CCDC85C: variants seen among roughly 807,000 people sequenced by gnomAD.
The protein encoded by CCDC85C is coiled-coil domain containing 85C, also known as coiled-coil domain-containing protein 85C.
A neutral mutation model predicts 38.3 loss-of-function variants in CCDC85C; 18 were observed. The observed-to-expected ratio is 0.47, with a 90% CI of 0.33 to 0.70. The LOEUF is 0.70. Among genes scored for constraint, CCDC85C ranks in the 30% least tolerant of loss-of-function variants. The probability of loss-of-function intolerance (pLI) is 0.03; values close to 1 mark genes in which losing one functional copy is unlikely to be tolerated. For synonymous variants in CCDC85C, 264 were observed against 293.8 expected (o/e 0.90, Z 1.04); for missense variants, 566 against 621.2 (o/e 0.91, Z 0.94).
At position 99,596,821 on chromosome 14, in the gene CCDC85C, C is replaced by T. The variant is rs117493843; in HGVS notation, c.793+6346G>A. 8.2e-3 allele frequency among the ~76,000 whole-genome samples: 1,256 copies of T among 152,254 alleles called. 9 individuals carry two copies. The highest frequency in any genetic ancestry group is 0.014 in the Non-Finnish European group (941 of 68,016). ...GAGTGGTCCCTGCCTAGATCCCAGA[C>T]GCTGATCCCAACCACCCTAGATGTA... On this transcript the variant is annotated intron_variant, in intron 1 of 5. Coordinates refer to ENST00000380243, the MANE Select transcript of CCDC85C (RefSeq NM_001144995.2).
At chr14:99,525,404 T>C (rs144637872) in intron 2 of CCDC85C, among the ~76,000 whole-genome samples, 2,222 of 152,236 alleles carry the variant, frequency 0.015, 50 homozygotes, top group African/African-American at 0.051. Context: ...GGATAAGACA[T>C]GGAAACAGAG....
At chr14:99,523,697 G>C (rs957737619) in intron 2 of CCDC85C, among the ~76,000 whole-genome samples, 1 of 152,180 alleles carries the variant, frequency 6.6e-6, no homozygotes, top group Non-Finnish European at 1.5e-5. Flanking sequence ...ATAAAGGAGA[G>C]ACAGAGAAGT....
intron 1 of CCDC85C, among the ~76,000 whole-genome samples, chr14:99,571,750 G>T (rs1420134322): frequency 6.6e-6 from 1 of 152,188 alleles, no homozygotes; most frequent in South Asian, 2.1e-4. Flanking sequence ...GGCCTGTCCG[G>T]GCCTTTGCCA....
chr14:99,503,564 C>A lies in CCDC85C; in HGVS notation c.*11682G>T. On this transcript the variant is annotated 3_prime_UTR_variant, in exon 6 of 6. Transcript: ENST00000380243. ...CCTGGATAATCCATTTTTTTCTCATCATACTCAGGATCCCAGTTAACAATT... is the reference window on the plus strand; with the variant it reads ...CCTGGATAATCCATTTTTTTCTCATAATACTCAGGATCCCAGTTAACAATT... 1.3e-6 allele frequency: 2 copies of A among 1,511,140 alleles called. No homozygotes were observed. Among genetic ancestry groups the A allele is most frequent in the Non-Finnish European group, 1.8e-6 (2 of 1,114,248 alleles). The allele number at this position is 1,511,140 out of a possible 1,614,324, so 93.6% of individuals were successfully genotyped here. A position where few individuals can be genotyped will look rare whatever the true frequency, so the allele number is the denominator to read the frequency against.
intron 1 of CCDC85C, among the ~76,000 whole-genome samples, chr14:99,567,363 T>C (rs1898236346): frequency 6.6e-6 from 1 of 152,088 alleles, no homozygotes; most frequent in Admixed American, 6.5e-5. Flanking sequence ...ACAGAAGTTT[T>C]TCGGGTGGAT....
intron 1 of CCDC85C, among the ~76,000 whole-genome samples, chr14:99,580,744 A>C (rs8021410): frequency 0.085 from 12,989 of 152,118 alleles, 936 homozygotes; most frequent in African/African-American, 0.2. Flanking sequence ...GGGCACCTAT[A>C]GTCCCAGTTA....
chr14:99,563,085 A>T (rs2139951833), intron 1 of CCDC85C, among the ~76,000 whole-genome samples: 1 of 152,344 alleles, frequency 6.6e-6, no homozygotes, highest in South Asian at 2.1e-4. Flanking sequence ...CAGAGTAATA[A>T]ATCAGCTCAG....
intron 1 of CCDC85C, among the ~76,000 whole-genome samples, chr14:99,551,668 G>A (rs1396525567): frequency 6.7e-6 from 1 of 149,024 alleles, no homozygotes; most frequent in Non-Finnish European, 1.5e-5. Flanking sequence ...GGTGAGAGGT[G>A]GGTGTGCAGG....
chr14:99,506,031 AAGGT>A lies in CCDC85C; in HGVS notation c.*9211_*9214del, dbSNP rs144398803. On this transcript the variant is annotated 3_prime_UTR_variant, in exon 6 of 6. Coordinates refer to ENST00000380243, the MANE Select transcript of CCDC85C (RefSeq NM_001144995.2). Reference sequence around the variant, plus strand: ...TAGCAGTTATAGGATACAGAGGCAAAAGGTAGAGTGTGAGGTGCTGATTGGTGGG... The same window carrying A: ...TAGCAGTTATAGGATACAGAGGCAAAAGAGTGTGAGGTGCTGATTGGTGGG... The A allele has an allele frequency of 0.04, 6,107 of 152,486 alleles. 410 individuals carry two copies. Among genetic ancestry groups the A allele is most frequent in the African/African-American group, 0.14 (5,786 of 41,480 alleles). 9.4% of individuals were successfully genotyped at this position (152,486 alleles called of 1,614,324 possible).
chr14:99,521,913 C>T (rs896005191), intron 3 of CCDC85C, among the ~76,000 whole-genome samples: 5 of 152,356 alleles, frequency 3.3e-5, no homozygotes, highest in Middle Eastern at 3.4e-3. Context: ...GGCAGCCCTG[C>T]GCACGTGGCC....
chr14:99,592,152 A>G (rs913410303), intron 1 of CCDC85C, among the ~76,000 whole-genome samples: 1 of 152,244 alleles, frequency 6.6e-6, no homozygotes, highest in Non-Finnish European at 1.5e-5. Context: ...TCTCGCTGTC[A>G]GCACGGTACT....
intron 1 of CCDC85C, among the ~76,000 whole-genome samples, chr14:99,538,926 A>C (rs1415543329): frequency 6.6e-6 from 1 of 152,094 alleles, no homozygotes; most frequent in Non-Finnish European, 1.5e-5. Flanking sequence ...CCCACAGGCT[A>C]CCATCCCCCA....
chr14:99,502,323 A>G lies in CCDC85C; in HGVS notation c.*12923T>C, dbSNP rs1165780200. 6.2e-7 allele frequency: 1 copy of G among 1,613,682 alleles called. No individual in the cohort carries two copies. Among genetic ancestry groups the G allele is most frequent in the Non-Finnish European group, 8.5e-7 (1 of 1,179,788 alleles). On this transcript the variant is annotated 3_prime_UTR_variant, in exon 6 of 6. Transcript: ENST00000380243. Reference sequence around the variant, plus strand: ...CAAGAATGGACCTCCAAACCCATGTATAGGAGATGGTGGGAGCAGTTTGTT... The same window carrying G: ...CAAGAATGGACCTCCAAACCCATGTGTAGGAGATGGTGGGAGCAGTTTGTT...
In CCDC85C at chr14:99,502,072, T is replaced by G; in HGVS notation, c.*13174A>C. The G allele has an allele frequency of 1.0e-6, 1 of 977,366 alleles. No individual in the cohort carries two copies. The highest frequency in any genetic ancestry group is 1.4e-6 in the Non-Finnish European group (1 of 701,468). 60.5% of individuals were successfully genotyped at this position (977,366 alleles called of 1,614,324 possible). ...CTTTAGAAGAGTAAAGACTTGAGTTTATTTATTTATAGTACTTTAATTAAA... is the reference window on the plus strand; with the variant it reads ...CTTTAGAAGAGTAAAGACTTGAGTTGATTTATTTATAGTACTTTAATTAAA... On this transcript the variant is annotated 3_prime_UTR_variant, in exon 6 of 6. Coordinates refer to ENST00000380243, the MANE Select transcript of CCDC85C (RefSeq NM_001144995.2).
In CCDC85C at chr14:99,572,876, T is replaced by C. The variant is rs1898384045; in HGVS notation, c.793+30291A>G. On this transcript the variant is annotated intron_variant, in intron 1 of 5. Coordinates refer to ENST00000380243, the MANE Select transcript of CCDC85C (RefSeq NM_001144995.2). The surrounding 1 kb of genome is among the most constrained non-coding windows in gnomAD (Gnocchi z 4.4). ...TCAGTAAACGGCTAAGGAAGGAATGTCTGCCCAAGTCCCAGGCAGGGTGGG... is the reference window on the plus strand; with the variant it reads ...TCAGTAAACGGCTAAGGAAGGAATGCCTGCCCAAGTCCCAGGCAGGGTGGG... 6.6e-6 allele frequency: 3 copies of C among 453,752 alleles called. No homozygotes were observed. The highest frequency in any genetic ancestry group is 4.0e-5 in the African/African-American group (2 of 50,030). 28.1% of individuals were successfully genotyped at this position (453,752 alleles called of 1,614,324 possible).
chr14:99,587,703 G>A (rs1309884225), intron 1 of CCDC85C, among the ~76,000 whole-genome samples: 2 of 152,202 alleles, frequency 1.3e-5, no homozygotes, highest in Admixed American at 6.5e-5. Flanking sequence ...TCAGGAGGCA[G>A]GCCGGCCAAG....
At chr14:99,557,185 G>A (rs1389937358) in intron 1 of CCDC85C, among the ~76,000 whole-genome samples, 1 of 152,226 alleles carries the variant, frequency 6.6e-6, no homozygotes, top group African/African-American at 2.4e-5. Context: ...GGAAACTGAG[G>A]CTCGCAGAGA....
chr14:99,512,208 C>T lies in CCDC85C; in HGVS notation c.*3038G>A, dbSNP rs1324381662. On this transcript the variant is annotated 3_prime_UTR_variant, in exon 6 of 6. Coordinates refer to ENST00000380243, the MANE Select transcript of CCDC85C (RefSeq NM_001144995.2). ...TGGTTGAATAGAAGGTAGAAACAGGCCGGGAGTCCACGGGCTCCCAGCTCT... is the reference window on the plus strand; with the variant it reads ...TGGTTGAATAGAAGGTAGAAACAGGTCGGGAGTCCACGGGCTCCCAGCTCT... 6.6e-6 allele frequency: 1 copy of T among 152,118 alleles called. No individual in the cohort carries two copies. The highest frequency in any genetic ancestry group is 1.5e-5 in the Non-Finnish European group (1 of 68,022). The allele number at this position is 152,118 out of a possible 1,614,324, so 9.4% of individuals were successfully genotyped here.
In CCDC85C at chr14:99,510,029, T is replaced by C; in HGVS notation, c.*5217A>G. ...AGGACATGGGGCATGGGCCCATGCG[T>C]TGGGCCACAGAGGAGGCGGGCAGCT... On this transcript the variant is annotated 3_prime_UTR_variant, in exon 6 of 6. Coordinates refer to ENST00000380243, the MANE Select transcript of CCDC85C (RefSeq NM_001144995.2). The C allele has an allele frequency of 1.1e-6, 1 of 889,000 alleles. No homozygotes were observed. 55.1% of individuals were successfully genotyped at this position (889,000 alleles called of 1,614,324 possible).
Sources: gnomAD v4.1 joint callset for allele counts (sites outside exome capture counted in the v4.1 genomes callset) on GRCh38, gnomAD v4.1.1 for gene constraint, Gnocchi (gnomAD v3.1) non-coding constraint, MANE v1.5 for transcripts, NCBI Gene and HGNC (gene_info 2026-07-23, HGNC 2026-07-21) for gene names.